The following ATP11B variants were observed in gnomAD, a reference collection of about 807,000 sequenced individuals.
ATP11B encodes phospholipid-transporting ATPase IF.
A neutral mutation model predicts 157.8 loss-of-function variants in ATP11B; 81 were observed. That is an observed-to-expected ratio of 0.51 (90% CI 0.43 to 0.62). The LOEUF is 0.62. Among genes scored for constraint, ATP11B ranks in the 20% least tolerant of loss-of-function variants. The pLI, the probability that ATP11B is intolerant of heterozygous loss-of-function variation, is 0.00. For missense variants in ATP11B, 1,165 were observed against 1,402.2 expected (o/e 0.83, Z 2.70); for synonymous variants, 451 against 469.4 (o/e 0.96, Z 0.51).
chr3:182,798,739 AC>A (rs1347499605), intron 1 of ATP11B, among the ~76,000 whole-genome samples: 1 of 152,202 alleles, frequency 6.6e-6, no homozygotes, highest in Non-Finnish European at 1.5e-5. Flanking sequence ...AAGTGTGTCT[AC>A]TCTGAATTGA....
chr3:182,916,629 T>C, intron 29 of ATP11B: 1 of 984,376 alleles, frequency 1.0e-6, no homozygotes, highest in Non-Finnish European at 1.2e-6. Flanking sequence ...ATCAAAACTA[T>C]CTTCTAAATA....
intron 4 of ATP11B, chr3:182,834,010 A>T (rs912004475): frequency 6.6e-6 from 1 of 152,212 alleles, no homozygotes; most frequent in Non-Finnish European, 1.5e-5. Flanking sequence ...TCTGAGCAGG[A>T]TAGTGAATCA....
rs759634211 is a variant in ATP11B, at chr3:182,828,126, G to C, written c.151G>C (p.Val51Leu). Residue 51 changes from valine (V) to leucine (L), a missense_variant, in exon 3 of 30, where the codon GTG (valine) becomes CTG (leucine). By Grantham distance (32) the Val-to-Leu change is conservative (BLOSUM62 1). This residue lies in a region of ATP11B where 91 missense variants were observed against 95.8 expected (regional missense o/e 0.95). Transcript: ENST00000323116. ...DNRIISSKYT[V>L]WNFVPKNLFE... The stretch of plus-strand genomic sequence containing the variant: ...TTGATCTCTTTCTTTTTAGTACACT[G>C]TGTGGAATTTTGTTCCAAAAAATTT... The C allele has an allele frequency of 5.9e-5, 84 of 1,412,926 alleles. No homozygotes were observed. Among genetic ancestry groups the C allele is most frequent in the Non-Finnish European group, 8.1e-5 (84 of 1,040,744 alleles). 87.5% of individuals were successfully genotyped at this position (1,412,926 alleles called of 1,614,324 possible). A position where few individuals can be genotyped will look rare whatever the true frequency, so the allele number is the denominator to read the frequency against.
At chr3:182,837,363 T>C (rs1156945864) in intron 7 of ATP11B, among the ~76,000 whole-genome samples, 189 bp downstream of exon 7, 2 of 152,132 alleles carry the variant, frequency 1.3e-5, no homozygotes, top group African/African-American at 4.8e-5. Context: ...CAAAAGATAA[T>C]AGTTCAAAGC....
At chr3:182,839,831 T>C (rs907735173) in intron 7 of ATP11B, among the ~76,000 whole-genome samples, 39 of 152,144 alleles carry the variant, frequency 2.6e-4, no homozygotes, top group African/African-American at 9.2e-4. Flanking sequence ...CAGGCTGTTA[T>C]CAAACTCCTG....
At chr3:182,795,473 T>C (rs2108476765) in intron 1 of ATP11B, among the ~76,000 whole-genome samples, 1 of 152,344 alleles carries the variant, frequency 6.6e-6, no homozygotes, top group Admixed American at 6.5e-5. Context: ...GGTAATGTTT[T>C]TTAAAATGGC....
chr3:182,813,548 A>C lies in ATP11B; in HGVS notation c.28-6712A>C, dbSNP rs191148841. On this transcript the variant is annotated intron_variant, in intron 1 of 29. Coordinates refer to ENST00000323116, the MANE Select transcript of ATP11B (RefSeq NM_014616.3). ...CCCACCAACTGTAAAACTGTAATAA[A>C]TAGCCTTGATAAAAATAAGACATAT... 3.5e-3 allele frequency among the ~76,000 whole-genome samples: 534 copies of C among 152,284 alleles called. 2 individuals are homozygous for C. The highest frequency in any genetic ancestry group is 5.8e-3 in the Non-Finnish European group (396 of 68,012).
chr3:182,854,887 G>A (rs976893682), intron 10 of ATP11B, among the ~76,000 whole-genome samples: 1 of 151,902 alleles, frequency 6.6e-6, no homozygotes, highest in African/African-American at 2.4e-5. Context: ...CATCTTTTCA[G>A]CTGAAAATTA....
In ATP11B at chr3:182,835,912, A is replaced by G. The variant is rs934742910; in HGVS notation, c.316-123A>G. 4.6e-6 allele frequency: 3 copies of G among 655,356 alleles called. No homozygotes were observed. The African/African-American group carries it at 5.6e-5, about 12-fold the overall frequency. 40.6% of individuals were successfully genotyped at this position (655,356 alleles called of 1,614,324 possible). A position where few individuals can be genotyped will look rare whatever the true frequency, so the allele number is the denominator to read the frequency against. On this transcript the variant is annotated intron_variant, in intron 4 of 29. Coordinates refer to ENST00000323116, the MANE Select transcript of ATP11B (RefSeq NM_014616.3). ...AGATACCTATGAGCATGTGCATCCA[A>G]ATAGCCTCATATGATTCTGGAATGT...
At chr3:182,821,165 AG>A (rs1189423736) in intron 2 of ATP11B, among the ~76,000 whole-genome samples, 2 of 152,114 alleles carry the variant, frequency 1.3e-5, no homozygotes, top group African/African-American at 2.4e-5. Flanking sequence ...GCTGGAATGC[AG>A]TGGTGCAATC....
At chr3:182,795,781 A>T (rs1223077780) in intron 1 of ATP11B, among the ~76,000 whole-genome samples, 1 of 152,234 alleles carries the variant, frequency 6.6e-6, no homozygotes, top group African/African-American at 2.4e-5. Flanking sequence ...TCCCAGTCAT[A>T]GACAGCTATT....
chr3:182,865,456 G>T lies in ATP11B; in HGVS notation c.1201G>T (p.Val401Leu). ...TSDLNEELGQ[V>L]EYVFTDKTGT... Reference sequence around the variant, plus strand: ...TTTCTTTTGTTTTCTATCTCTATAGGTAGAGTACGTGTTTACAGATAAAAC... The same window carrying T: ...TTTCTTTTGTTTTCTATCTCTATAGTTAGAGTACGTGTTTACAGATAAAAC... The change falls in exon 13 of 30, where the codon GTA becomes TTA. Residue 401 changes from valine to leucine, a missense_variant and splice_region_variant. Val to Leu is a conservative substitution (Grantham distance 32). Coordinates refer to ENST00000323116, the MANE Select transcript of ATP11B (RefSeq NM_014616.3). 3.1e-6 allele frequency: 5 copies of T among 1,613,088 alleles called. No individual in the cohort carries two copies. The highest frequency in any genetic ancestry group is 4.2e-6 in the Non-Finnish European group (5 of 1,179,464).
At chr3:182,864,639 T>C (rs1721091982) in intron 12 of ATP11B, among the ~76,000 whole-genome samples, 1 of 152,108 alleles carries the variant, frequency 6.6e-6, no homozygotes, top group South Asian at 2.1e-4. Context: ...TAACCCTTTT[T>C]ATATGTTTCT....
intron 3 of ATP11B, 49 bp downstream of exon 3, chr3:182,828,258 T>C (rs1717859510): frequency 1.1e-6 from 1 of 940,676 alleles, no homozygotes. Flanking sequence ...TTTCTAAAAA[T>C]ATGTCTTGGA....
chr3:182,827,306 G>A (rs1281120183), intron 2 of ATP11B, among the ~76,000 whole-genome samples: 4 of 152,030 alleles, frequency 2.6e-5, no homozygotes, highest in African/African-American at 4.8e-5. Context: ...CACTTTTATA[G>A]CAATTAGTAT....
intron 4 of ATP11B, among the ~76,000 whole-genome samples, chr3:182,834,717 T>G (rs996228411): frequency 7.9e-5 from 12 of 152,248 alleles, no homozygotes; most frequent in Non-Finnish European, 1.3e-4. Flanking sequence ...GAAATGCTTG[T>G]GTCTGTTTCC....
chr3:182,914,174 T>G, intron 29 of ATP11B, 180 bp downstream of exon 29: 1 of 1,405,442 alleles, frequency 7.1e-7, no homozygotes, highest in Non-Finnish European at 9.2e-7. Context: ...GGGTAAGGGC[T>G]TTTTCACTCA....
chr3:182,876,781 G>T (rs548221400), intron 19 of ATP11B, among the ~76,000 whole-genome samples: 1 of 152,286 alleles, frequency 6.6e-6, no homozygotes, highest in South Asian at 2.1e-4. Context: ...AATCACTTCC[G>T]AAAAGGCCCC....
chr3:182,821,359 G>A (rs961342545), intron 2 of ATP11B, among the ~76,000 whole-genome samples: 3 of 151,948 alleles, frequency 2.0e-5, no homozygotes, highest in Non-Finnish European at 4.4e-5. Context: ...CACCCACCTC[G>A]GCCTCCCAAA....
Sources: gnomAD v4.1 joint callset for allele counts (sites outside exome capture counted in the v4.1 genomes callset) on GRCh38, gnomAD v4.1.1 for gene constraint, gnomAD v4.1.1 regional missense constraint, MANE v1.5 for transcripts, NCBI Gene and HGNC (gene_info 2026-07-23, HGNC 2026-07-21) for gene names.